NLGN4X: variants seen among roughly 807,000 people sequenced by gnomAD.
The protein encoded by NLGN4X is neuroligin-4, X-linked.
NLGN4X carries 3 observed loss-of-function variants against 40.3 expected under a neutral mutation model. The ratio of observed to expected loss-of-function variants is 0.07; its 90% CI spans 0.03 to 0.19. The LOEUF is 0.19. NLGN4X is among the 10% of genes least tolerant of loss of function. The probability of loss-of-function intolerance (pLI) is 1.00; values close to 1 mark genes in which losing one functional copy is unlikely to be tolerated. For missense variants in NLGN4X, 382 were observed against 708.3 expected (o/e 0.54, Z 5.23); for synonymous variants, 270 against 306.8 (o/e 0.88, Z 1.25).
rs1925579706 is a variant in NLGN4X, at chrX:6,220,684, T to C, written c.-306+7857A>G. ...GTCTCATGTTAACGAATGTCTTCAC[T>C]CCTAAATAAGGAGTACATCCAGACC... On this transcript the variant is annotated intron_variant, in intron 1 of 5. Coordinates refer to ENST00000381095, the MANE Select transcript of NLGN4X (RefSeq NM_181332.3). Among the ~76,000 whole-genome samples, 3 of 107,440 alleles carry C rather than the reference T, an allele frequency of 2.8e-5. No individual in the cohort carries two copies. The Admixed American group carries it at 3.0e-4, about 11-fold the overall frequency. The allele number at this position is 107,440 out of a possible 115,157, so 93.3% of individuals were successfully genotyped here. A position where few individuals can be genotyped will look rare whatever the true frequency, so the allele number is the denominator to read the frequency against.
At chrX:6,050,668 C>T (rs2037464458) in intron 2 of NLGN4X, among the ~76,000 whole-genome samples, 1 of 111,311 alleles carries the variant, frequency 9.0e-6, no homozygotes, top group Non-Finnish European at 1.9e-5. Flanking sequence ...CATCTATCCA[C>T]CTATTCATAT....
intron 2 of NLGN4X, among the ~76,000 whole-genome samples, chrX:6,029,803 A>G (rs1375992891): frequency 1.8e-5 from 2 of 111,838 alleles, no homozygotes; most frequent in Non-Finnish European, 3.8e-5. Flanking sequence ...GATGAAATAT[A>G]TTTTATCTTC....
chrX:6,082,969 T>TTTC, intron 2 of NLGN4X, among the ~76,000 whole-genome samples: 1 of 89,840 alleles, frequency 1.1e-5, no homozygotes, highest in African/African-American at 4.2e-5. Context: ...TTTTTTTTTT[T>TTTC]TTTTTTTTGA....
At chrX:6,094,919 G>C (rs11796499) in intron 2 of NLGN4X, among the ~76,000 whole-genome samples, 22,379 of 109,837 alleles carry the variant, frequency 0.2, 1,775 homozygotes, top group Admixed American at 0.26. Flanking sequence ...GGTGCAATTT[G>C]GGGTGAATCA....
chrX:6,176,529 G>T (rs1386587796), intron 1 of NLGN4X, among the ~76,000 whole-genome samples: 4 of 112,031 alleles, frequency 3.6e-5, no homozygotes, highest in African/African-American at 1.3e-4. Flanking sequence ...CCTCGAAATG[G>T]GGAGATGATT....
chrX:5,939,357 G>A (rs1351878371), intron 3 of NLGN4X, among the ~76,000 whole-genome samples: 1 of 110,826 alleles, frequency 9.0e-6, no homozygotes, highest in East Asian at 2.8e-4. Flanking sequence ...CACTCAGATG[G>A]GGCAAACACA....
chrX:6,040,612 T>C (rs992260204), intron 2 of NLGN4X, among the ~76,000 whole-genome samples: 2 of 112,157 alleles, frequency 1.8e-5, no homozygotes, highest in African/African-American at 6.5e-5. Context: ...TGCTAGAGCA[T>C]AGAGATTATT....
At chrX:6,218,037 G>A (rs1460342554) in intron 1 of NLGN4X, among the ~76,000 whole-genome samples, 2 of 111,873 alleles carry the variant, frequency 1.8e-5, no homozygotes, top group African/African-American at 6.5e-5. Context: ...CTAATTCCCT[G>A]TAATGGCATC....
At chrX:6,208,726 C>T (rs1458636687) in intron 1 of NLGN4X, among the ~76,000 whole-genome samples, 1 of 111,783 alleles carries the variant, frequency 8.9e-6, no homozygotes, top group African/African-American at 3.3e-5. Context: ...AAACTCAAAA[C>T]ATAACAGAGG....
intron 1 of NLGN4X, among the ~76,000 whole-genome samples, chrX:6,191,432 G>C (rs1367190051): frequency 1.8e-5 from 2 of 112,089 alleles, no homozygotes; most frequent in Non-Finnish European, 3.8e-5. Flanking sequence ...AGTGAAGTGT[G>C]TGCTGGGCAC....
At chrX:5,964,587 T>C (rs1285209009) in intron 3 of NLGN4X, among the ~76,000 whole-genome samples, 1 of 111,876 alleles carries the variant, frequency 8.9e-6, no homozygotes, top group African/African-American at 3.3e-5. Context: ...GCTCAGCGTA[T>C]CTTTGAACTC....
intron 1 of NLGN4X, chrX:6,226,801 C>T: frequency 8.2e-6 from 1 of 122,216 alleles, no homozygotes; most frequent in Non-Finnish European, 1.7e-5. Context: ...CAGGCCGGGA[C>T]CTGGGCCTCT....
intron 3 of NLGN4X, among the ~76,000 whole-genome samples, chrX:5,969,823 A>G (rs2034963498): frequency 9.0e-6 from 1 of 110,663 alleles, no homozygotes; most frequent in Non-Finnish European, 1.9e-5. Context: ...GCACATATAC[A>G]CCATGGAATA....
At chrX:5,955,842 T>C (rs2034476302) in intron 3 of NLGN4X, among the ~76,000 whole-genome samples, 1 of 105,503 alleles carries the variant, frequency 9.5e-6, no homozygotes, top group Non-Finnish European at 1.9e-5. Context: ...CAAAATCCTG[T>C]ATAAGACCAC....
At chrX:6,011,171 T>C (rs2036242008) in intron 3 of NLGN4X, among the ~76,000 whole-genome samples, 1 of 110,356 alleles carries the variant, frequency 9.1e-6, no homozygotes, top group Non-Finnish European at 1.9e-5. Context: ...TTCCTAAATA[T>C]GATAATAAAA....
chrX:6,130,490 G>A (rs758046903), intron 2 of NLGN4X, among the ~76,000 whole-genome samples: 3 of 112,509 alleles, frequency 2.7e-5, no homozygotes, highest in African/African-American at 9.7e-5. Flanking sequence ...GTTGCTAGTA[G>A]CATTACTTCT....
intron 1 of NLGN4X, among the ~76,000 whole-genome samples, chrX:6,219,491 G>A (rs772785988): frequency 6.8e-5 from 6 of 88,374 alleles, no homozygotes; most frequent in Admixed American, 1.5e-4. Context: ...CCTTCCCTTC[G>A]ATCTATCATC....
At chrX:6,206,710 T>C (rs1454205647) in intron 1 of NLGN4X, among the ~76,000 whole-genome samples, 1 of 111,774 alleles carries the variant, frequency 8.9e-6, no homozygotes, top group Non-Finnish European at 1.9e-5. Flanking sequence ...CAGATGGCCG[T>C]CTTCACCCTG....
Position 5,890,609 on chromosome X carries a change from G to A in NLGN4X, c.*2208C>T, listed in dbSNP as rs1177261662. On this transcript the variant is annotated 3_prime_UTR_variant, in exon 6 of 6. Transcript: ENST00000381095. Reference sequence around the variant, plus strand: ...AGAGCCTATTTGTGGTTGCTCAGGTGGGGTCATACATTGCTTGCAGAAATG... The same window carrying A: ...AGAGCCTATTTGTGGTTGCTCAGGTAGGGTCATACATTGCTTGCAGAAATG... 6 of 326,315 alleles carry A rather than the reference G, an allele frequency of 1.8e-5. No homozygotes were observed. In the East Asian group the frequency reaches 5.9e-4, roughly 32 times the overall value. The allele number at this position is 326,315 out of a possible 1,213,427, so 26.9% of individuals were successfully genotyped here. A position where few individuals can be genotyped will look rare whatever the true frequency, so the allele number is the denominator to read the frequency against.
Sources: gnomAD v4.1 joint callset for allele counts (sites outside exome capture counted in the v4.1 genomes callset) on GRCh38, gnomAD v4.1.1 for gene constraint, MANE v1.5 for transcripts, NCBI Gene and HGNC (gene_info 2026-07-23, HGNC 2026-07-21) for gene names.